ADGRG6: variants seen among roughly 807,000 people sequenced by gnomAD.
ADGRG6 encodes the protein adhesion G protein-coupled receptor G6.
A neutral mutation model predicts 142.4 loss-of-function variants in ADGRG6; 84 were observed. That is an observed-to-expected ratio of 0.59 (90% CI 0.49 to 0.71). The LOEUF is 0.71. ADGRG6 is among the 30% of genes least tolerant of loss of function. The probability of loss-of-function intolerance (pLI) is 0.00; values close to 1 mark genes in which losing one functional copy is unlikely to be tolerated. For missense variants in ADGRG6, 1,367 were observed against 1,466.6 expected (o/e 0.93, Z 1.11); for synonymous variants, 521 against 520.5 (o/e 1.00, Z -0.01).
intron 2 of ADGRG6, among the ~76,000 whole-genome samples, chr6:142,341,693 C>G (rs1036284092): frequency 7.5e-6 from 1 of 132,970 alleles, no homozygotes; most frequent in African/African-American, 2.8e-5. Flanking sequence ...AAATGGAGAC[C>G]TCATTGGAGA....
At chr6:142,311,977 C>T (rs1777789487) in intron 2 of ADGRG6, among the ~76,000 whole-genome samples, 1 of 151,942 alleles carries the variant, frequency 6.6e-6, no homozygotes, top group Non-Finnish European at 1.5e-5. Flanking sequence ...TCTATGCCTT[C>T]CTAGTCTCCT....
intron 1 of ADGRG6, among the ~76,000 whole-genome samples, chr6:142,303,143 T>C (rs17790314): frequency 0.09 from 13,696 of 152,204 alleles, 701 homozygotes; most frequent in East Asian, 0.12. Context: ...CTTTTTCTTG[T>C]AATAGGTAAT....
At position 142,414,963 on chromosome 6, in the gene ADGRG6, A is replaced by C. The variant is rs1286711744; in HGVS notation, c.2542-6A>C. On this transcript the variant is annotated splice_polypyrimidine_tract_variant and splice_region_variant and intron_variant, in intron 18 of 24. Transcript: ENST00000367609. ...TTCTTACAGCTGCTCGCCATGTTTT[A>C]TGTAGGACCTTCCAAGAAGTGCCTC... 6.2e-7 allele frequency: 1 copy of C among 1,608,734 alleles called. No homozygotes were observed. The highest frequency in any genetic ancestry group is 1.3e-5 in the African/African-American group (1 of 74,806).
intron 4 of ADGRG6, among the ~76,000 whole-genome samples, chr6:142,374,653 C>G (rs768724143): frequency 1.3e-5 from 2 of 152,120 alleles, no homozygotes; most frequent in Non-Finnish European, 2.9e-5. Context: ...TCCCTTTATA[C>G]GGGCCAGGAA....
Position 142,305,098 on chromosome 6 carries a change from C to T in ADGRG6, c.2+2767C>T, listed in dbSNP as rs552534794. Among the ~76,000 whole-genome samples, 18 of 151,960 alleles carry T rather than the reference C, an allele frequency of 1.2e-4. No homozygotes were observed. The South Asian group carries it at 3.5e-3, about 30-fold the overall frequency. On this transcript the variant is annotated intron_variant, in intron 1 of 24. Transcript: ENST00000367609. ...AAATATGTATATTTGTAATAGAAAA[C>T]CATACAAATGACTTGAACATGACAA...
intron 22 of ADGRG6, among the ~76,000 whole-genome samples, chr6:142,430,744 G>A (rs1777171830): frequency 6.6e-6 from 1 of 152,186 alleles, no homozygotes; most frequent in African/African-American, 2.4e-5. Context: ...CTACTTGATT[G>A]TGTTCTCTGG....
intron 9 of ADGRG6, among the ~76,000 whole-genome samples, chr6:142,396,723 A>AT (rs1402287074): frequency 3.3e-5 from 5 of 152,092 alleles, no homozygotes; most frequent in Non-Finnish European, 4.4e-5. Context: ...AGAAGAAACA[A>AT]TTTTTTTGTG....
chr6:142,390,576 T>A (rs900184743), intron 7 of ADGRG6, among the ~76,000 whole-genome samples: 1 of 151,862 alleles, frequency 6.6e-6, no homozygotes, highest in Non-Finnish European at 1.5e-5. Context: ...ATAAGAAAAG[T>A]ATCGCACAAA....
chr6:142,432,811 C>T (rs887745968), intron 22 of ADGRG6, among the ~76,000 whole-genome samples: 4 of 152,144 alleles, frequency 2.6e-5, no homozygotes, highest in Non-Finnish European at 5.9e-5. Flanking sequence ...TCTGTGACCT[C>T]GTTCTTTTCT....
At chr6:142,321,540 A>G (rs1279571114) in intron 2 of ADGRG6, among the ~76,000 whole-genome samples, 1 of 152,080 alleles carries the variant, frequency 6.6e-6, no homozygotes, top group Admixed American at 6.6e-5. Context: ...CTACCTATGT[A>G]TGCAAAAATA....
intron 20 of ADGRG6, chr6:142,416,999 T>C (rs1032693363): frequency 2.2e-6 from 1 of 447,870 alleles, no homozygotes; most frequent in Non-Finnish European, 4.1e-6. Context: ...AGTTTTCCAG[T>C]GAGTCCCACT....
At chr6:142,327,706 T>G (rs1778846762) in intron 2 of ADGRG6, among the ~76,000 whole-genome samples, 1 of 152,152 alleles carries the variant, frequency 6.6e-6, no homozygotes, top group Non-Finnish European at 1.5e-5. Context: ...TATCAGTTTT[T>G]TCACTGAATT....
intron 2 of ADGRG6, among the ~76,000 whole-genome samples, chr6:142,333,110 C>T (rs1266139585): frequency 1.3e-5 from 2 of 152,090 alleles, no homozygotes; most frequent in Non-Finnish European, 2.9e-5. Flanking sequence ...CTGTCATGTG[C>T]CTTACATTTC....
intron 2 of ADGRG6, among the ~76,000 whole-genome samples, chr6:142,348,572 G>T (rs935412127): frequency 6.6e-6 from 1 of 151,666 alleles, no homozygotes; most frequent in Non-Finnish European, 1.5e-5. Context: ...CTTCTTCCAT[G>T]TGCTTCAAAA....
rs1379947641 is a variant in ADGRG6, at chr6:142,395,581, TTTCCTGGTC to T, written c.1424+1627_1424+1635del. 9.2e-5 allele frequency among the ~76,000 whole-genome samples: 14 copies of T among 152,344 alleles called. No individual in the cohort carries two copies. The South Asian group carries it at 2.7e-3, about 29-fold the overall frequency. ...GACATTTAAATTCATGGGATTTCAG[TTTCCTGGTC>T]TTCAAAGCAATGAGTAATTTTACAG... On this transcript the variant is annotated intron_variant, in intron 9 of 24. Transcript: ENST00000367609.
intron 7 of ADGRG6, among the ~76,000 whole-genome samples, chr6:142,391,474 C>T (rs1583079715): frequency 6.7e-6 from 1 of 149,344 alleles, no homozygotes. Context: ...CACACACACA[C>T]ACACAGAGAC....
At chr6:142,310,639 T>C (rs906002185) in intron 2 of ADGRG6, among the ~76,000 whole-genome samples, 1 of 151,846 alleles carries the variant, frequency 6.6e-6, no homozygotes, top group Non-Finnish European at 1.5e-5. Context: ...GTGAAAACTT[T>C]TTTTTCCAAG....
rs750805988 is a variant in ADGRG6 at position 142,405,671 on chromosome 6, C to T, written c.2128-17C>T. 6.3e-7 allele frequency: 1 copy of T among 1,582,044 alleles called. No individual in the cohort carries two copies. The highest frequency in any genetic ancestry group is 8.7e-7 in the Non-Finnish European group (1 of 1,153,134). ...AATTATGATTACTTGACCAATATAT[C>T]TGTGTGTGTGTGACAGATGGATTTT... is the stretch of plus-strand genomic sequence containing the variant. On this transcript the variant is annotated splice_polypyrimidine_tract_variant and intron_variant, in intron 14 of 24. Transcript: ENST00000367609.
intron 22 of ADGRG6, 72 bp from the exon 23 acceptor site, chr6:142,437,362 C>A: frequency 1.4e-6 from 1 of 716,926 alleles, no homozygotes; most frequent in Non-Finnish European, 2.4e-6. Context: ...AAAATGAATC[C>A]ATGTATTTTA....
Sources: gnomAD v4.1 joint callset for allele counts (sites outside exome capture counted in the v4.1 genomes callset) on GRCh38, gnomAD v4.1.1 for gene constraint, MANE v1.5 for transcripts, NCBI Gene and HGNC (gene_info 2026-07-23, HGNC 2026-07-21) for gene names.